MED12L: variants seen among roughly 807,000 people sequenced by gnomAD.
MED12L encodes the protein mediator of RNA polymerase II transcription subunit 12-like protein.
Under a neutral mutation model 281.3 loss-of-function variants are expected in MED12L, and 60 were observed. The observed-to-expected ratio is 0.21, with a 90% confidence interval of 0.17 to 0.26. The LOEUF (loss-of-function observed/expected upper bound fraction) is 0.26. Among genes scored for constraint, MED12L ranks in the 10% least tolerant of loss-of-function variants. MED12L has a pLI of 1.00. For synonymous variants in MED12L, 974 were observed against 987.2 expected (o/e 0.99, Z 0.25); for missense variants, 2,146 against 2,680.9 (o/e 0.80, Z 4.41).
intron 16 of MED12L, among the ~76,000 whole-genome samples, chr3:151,289,391 CT>C (rs1743958720): frequency 6.6e-6 from 1 of 152,198 alleles, no homozygotes; most frequent in Non-Finnish European, 1.5e-5. Context: ...AAGATACTCA[CT>C]CTGTATTATA....
At chr3:151,384,685 T>TA (rs1435553656) in intron 35 of MED12L, 4 of 210,986 alleles carry the variant, frequency 1.9e-5, no homozygotes, top group Non-Finnish European at 3.7e-5. Flanking sequence ...AATAAATCAA[T>TA]GGTTACCTTG....
intron 43 of MED12L, among the ~76,000 whole-genome samples, chr3:151,429,508 G>A (rs1719230487): frequency 6.6e-6 from 1 of 152,342 alleles, no homozygotes; most frequent in East Asian, 1.9e-4. Flanking sequence ...ACGATAGTCT[G>A]AAATTTGAAG....
At chr3:151,342,736 A>G (rs971297626) in intron 16 of MED12L, among the ~76,000 whole-genome samples, 3 of 152,322 alleles carry the variant, frequency 2.0e-5, no homozygotes, top group African/African-American at 7.2e-5. Context: ...AAAGGGTTGT[A>G]TTGTTATTTT....
Position 151,434,066 on chromosome 3 carries a change from T to G in MED12L, c.*1262T>G, listed in dbSNP as rs1262370988. On this transcript the variant is annotated 3_prime_UTR_variant, in exon 45 of 45. Coordinates refer to ENST00000687756, the MANE Select transcript of MED12L (RefSeq NM_001393769.1). ...TTTTAGATTTAGATGCATAAAATTT[T>G]GAATGTGAAAATTGCAGGGCATTTT... is the stretch of plus-strand genomic sequence containing the variant. The G allele has an allele frequency of 6.6e-6, 1 of 152,580 alleles. No homozygotes were observed. Among genetic ancestry groups the G allele is most frequent in the Non-Finnish European group, 1.5e-5 (1 of 68,032 alleles). The allele number at this position is 152,580 out of a possible 1,614,324, so 9.5% of individuals were successfully genotyped here.
chr3:151,089,210 A>G (rs1007679890), intron 2 of MED12L, among the ~76,000 whole-genome samples: 1 of 152,218 alleles, frequency 6.6e-6, no homozygotes, highest in Non-Finnish European at 1.5e-5. Context: ...ATATCAAATC[A>G]TGTTTACATA....
chr3:151,198,780 T>A, intron 16 of MED12L: 1 of 1,613,854 alleles, frequency 6.2e-7, no homozygotes, highest in Admixed American at 1.7e-5. Context: ...AGCTGTCGAA[T>A]TACAAGGCAA....
intron 16 of MED12L, among the ~76,000 whole-genome samples, chr3:151,336,064 G>C (rs1404862457): frequency 6.6e-6 from 1 of 152,188 alleles, no homozygotes; most frequent in African/African-American, 2.4e-5. Context: ...ACTTGAATGG[G>C]TGGAGGGATG....
At position 151,378,051 on chromosome 3, in the gene MED12L, C is replaced by T. The variant is rs747939956; in HGVS notation, c.4356C>T (p.Leu1452=). ...ERRGVWLVAP[L]IARLPTSVQG... ...GGGGTGTATGGTTGGTGGCCCCCCT[C>T]ATCGCCAGGTTGCCAACTTCTGTGC... The change falls in exon 31 of 45, where the codon CTC becomes CTT. Residue 1452 remains leucine, a synonymous_variant. Transcript: ENST00000687756. 1.2e-6 allele frequency: 2 copies of T among 1,610,604 alleles called. No individual in the cohort carries two copies. The highest frequency in any genetic ancestry group is 1.7e-6 in the Non-Finnish European group (2 of 1,177,978).
chr3:151,226,414 G>A (rs898224296), intron 16 of MED12L, among the ~76,000 whole-genome samples: 2 of 152,182 alleles, frequency 1.3e-5, no homozygotes, highest in Non-Finnish European at 2.9e-5. Flanking sequence ...GGACAGTGAT[G>A]CTTAAAATGG....
At chr3:151,230,659 C>T (rs545240042) in intron 16 of MED12L, among the ~76,000 whole-genome samples, 150 of 151,588 alleles carry the variant, frequency 9.9e-4, no homozygotes, top group African/African-American at 3.3e-3. Context: ...CTATTTTCAA[C>T]GTCTCTTTCT....
At chr3:151,327,493 TC>T (rs1247022911) in intron 16 of MED12L, 1 of 152,132 alleles carries the variant, frequency 6.6e-6, no homozygotes, top group Non-Finnish European at 1.5e-5. Flanking sequence ...CCACTTCAGT[TC>T]CTCAGACTCT....
At chr3:151,348,934 G>A (rs1346613165) in intron 16 of MED12L, among the ~76,000 whole-genome samples, 1 of 152,206 alleles carries the variant, frequency 6.6e-6, no homozygotes, top group East Asian at 1.9e-4. Context: ...GGAACACAGT[G>A]CAGTTTGTTT....
chr3:151,222,004 C>T lies in MED12L; in HGVS notation c.2250+28338C>T, dbSNP rs560175118. Among the ~76,000 whole-genome samples the T allele has an allele frequency of 3.9e-5, 6 of 152,346 alleles. No individual in the cohort carries two copies. The South Asian group carries it at 1.2e-3, about 32-fold the overall frequency. On this transcript the variant is annotated intron_variant, in intron 16 of 44. Coordinates refer to ENST00000687756, the MANE Select transcript of MED12L (RefSeq NM_001393769.1). ...GGAGCTGCCCAAGACCATGGGAACC[C>T]ACCTCTTGCATTGCGTGACCTGGGT...
chr3:151,190,839 G>A lies in MED12L; in HGVS notation c.1876G>A (p.Asp626Asn). ...CATGTGTACCCTCATATCTCGAGGA[G>A]ATTTGTCAGTCACTGCCTCAACTCG... is the stretch of plus-strand genomic sequence containing the variant. ...AYMCTLISRG[D>N]LSVTASTRPR... The change falls in exon 14 of 45, where the codon GAT (aspartate) becomes AAT (asparagine). Residue 626 changes from aspartate to asparagine, a missense_variant. This residue lies in a region of MED12L where 722 missense variants were observed against 861.2 expected (regional missense o/e 0.84). Transcript: ENST00000687756. 1 of 1,614,182 alleles carries A rather than the reference G, an allele frequency of 6.2e-7. No individual in the cohort carries two copies. The highest frequency in any genetic ancestry group is 8.5e-7 in the Non-Finnish European group (1 of 1,180,040).
rs781719077 is a variant in MED12L at position 151,213,526 on chromosome 3, T to C, written c.2250+19860T>C. 8 of 1,614,062 alleles carry C rather than the reference T, an allele frequency of 5.0e-6. No homozygotes were observed. In the Admixed American group the frequency reaches 6.7e-5, roughly 13 times the overall value. ...GATTTCTTTTGACTGGCAGCTGTAATGAGCTTCGGTCTGACTCTTTGTGTA... is the reference window on the plus strand; with the variant it reads ...GATTTCTTTTGACTGGCAGCTGTAACGAGCTTCGGTCTGACTCTTTGTGTA... On this transcript the variant is annotated intron_variant, in intron 16 of 44. Coordinates refer to ENST00000687756, the MANE Select transcript of MED12L (RefSeq NM_001393769.1).
intron 5 of MED12L, among the ~76,000 whole-genome samples, chr3:151,135,184 C>T (rs1715967080): frequency 6.6e-6 from 1 of 152,108 alleles, no homozygotes; most frequent in African/African-American, 2.4e-5. Flanking sequence ...TGCCATCGTG[C>T]TCCTCTAATT....
At chr3:151,402,476 T>A (rs1224702113) in intron 39 of MED12L, among the ~76,000 whole-genome samples, 1 of 152,206 alleles carries the variant, frequency 6.6e-6, no homozygotes, top group East Asian at 1.9e-4. Context: ...TGGGGCTAAT[T>A]ACATCCTTCA....
chr3:151,137,324 C>T (rs1481546850), intron 5 of MED12L, among the ~76,000 whole-genome samples: 2 of 152,142 alleles, frequency 1.3e-5, no homozygotes, highest in African/African-American at 2.4e-5. Flanking sequence ...CTTCTAGCTC[C>T]TTGTAAACTT....
At chr3:151,240,276 T>C (rs1577077969) in intron 16 of MED12L, among the ~76,000 whole-genome samples, 1 of 152,210 alleles carries the variant, frequency 6.6e-6, no homozygotes, top group Non-Finnish European at 1.5e-5. Context: ...GGCAGGTAAA[T>C]TGGGAGAGGT....
Sources: gnomAD v4.1 joint callset for allele counts (sites outside exome capture counted in the v4.1 genomes callset) on GRCh38, gnomAD v4.1.1 for gene constraint, gnomAD v4.1.1 regional missense constraint, MANE v1.5 for transcripts, NCBI Gene and HGNC (gene_info 2026-07-23, HGNC 2026-07-21) for gene names.